PARG: variants seen among roughly 807,000 people sequenced by gnomAD.
PARG encodes poly(ADP-ribose) glycohydrolase.
PARG carries 35 observed loss-of-function variants against 113.0 expected under a neutral mutation model. The observed-to-expected ratio is 0.31, with a 90% CI of 0.24 to 0.41. The LOEUF (loss-of-function observed/expected upper bound fraction) is 0.41. Ranked by LOEUF, PARG falls within the 10% of genes least tolerant of loss-of-function variation. PARG has a pLI of 1.00. For synonymous variants in PARG, 330 were observed against 409.9 expected (o/e 0.81, Z 2.36); for missense variants, 797 against 1,169.4 (o/e 0.68, Z 4.64).
chr10:49,904,731 C>T (rs1554844440), intron 7 of PARG, among the ~76,000 whole-genome samples: 1 of 151,974 alleles, frequency 6.6e-6, no homozygotes, highest in East Asian at 1.9e-4. Context: ...GCCTGGCCAA[C>T]ATGGTGAAAC....
intron 7 of PARG, among the ~76,000 whole-genome samples, chr10:49,913,440 AAC>A (rs1281611573): frequency 2.0e-5 from 3 of 152,260 alleles, no homozygotes; most frequent in East Asian, 1.9e-4. Flanking sequence ...AAAATTATAT[AAC>A]ACAGAAGATT....
At position 49,935,146 on chromosome 10, in the gene PARG, T is replaced by TA. The variant is rs1170825913; in HGVS notation, c.218-5dup. On this transcript the variant is annotated splice_region_variant and splice_polypyrimidine_tract_variant and intron_variant, in intron 1 of 17. Coordinates refer to ENST00000616448, the MANE Select transcript of PARG (RefSeq NM_003631.5). Reference sequence around the variant, plus strand: ...GTAATAGTCTTTTGTTTGAAAACTATAAAAAAAAATGTATATTCATACATT... The same window carrying TA: ...GTAATAGTCTTTTGTTTGAAAACTATAAAAAAAAAATGTATATTCATACATT... The TA allele has an allele frequency of 2.7e-4, 194 of 727,858 alleles. No individual in the cohort carries two copies. Among genetic ancestry groups the TA allele is most frequent in the Middle Eastern group, 7.0e-4 (3 of 4,284 alleles). The allele number at this position is 727,858 out of a possible 1,614,324, so 45.1% of individuals were successfully genotyped here. A position where few individuals can be genotyped will look rare whatever the true frequency, so the allele number is the denominator to read the frequency against.
At position 49,819,245 on chromosome 10, in the gene PARG, TTATATTAACTTAAGTCAATTCA is replaced by T; in HGVS notation, c.*73_*94del. ...CTACAAATGTGGATTATGTACACAT[TTATATTAACTTAAGTCAATTCA>T]TATATTACACCTGACAGCTCAAACA... On this transcript the variant is annotated 3_prime_UTR_variant, in exon 18 of 18. Transcript: ENST00000616448. 1.0e-6 allele frequency: 1 copy of T among 1,000,774 alleles called. No homozygotes were observed. Among genetic ancestry groups the T allele is most frequent in the Non-Finnish European group, 1.5e-6 (1 of 682,378 alleles). The allele number at this position is 1,000,774 out of a possible 1,614,324, so 62.0% of individuals were successfully genotyped here.
chr10:49,834,174 A>G lies in PARG; in HGVS notation c.2542-1266T>C, dbSNP rs1213629069. On this transcript the variant is annotated intron_variant, in intron 15 of 17. Coordinates refer to ENST00000616448, the MANE Select transcript of PARG (RefSeq NM_003631.5). ...TGAAAATCTCTTTCAGGTCAAAAAA[A>G]TCTGAGAGCTCCATTTGTTTTGAAT... Among the ~76,000 whole-genome samples the G allele has an allele frequency of 7.9e-5, 12 of 152,194 alleles. No homozygotes were observed. In the East Asian group the frequency reaches 2.3e-3, roughly 29 times the overall value.
chr10:49,916,122 C>T (rs1165349507), intron 6 of PARG, 131 bp from the exon 7 acceptor site: 3 of 680,512 alleles, frequency 4.4e-6, no homozygotes, highest in East Asian at 5.6e-5. Flanking sequence ...CCTCCCCCTG[C>T]TACTGATATG....
chr10:49,876,940 TAA>T (rs544298585), intron 9 of PARG, among the ~76,000 whole-genome samples: 1 of 145,710 alleles, frequency 6.9e-6, no homozygotes, highest in African/African-American at 2.5e-5. Flanking sequence ...ATATTATATA[TAA>T]AAAAAAAAAA....
chr10:49,831,563 C>T (rs1228156670), intron 16 of PARG, among the ~76,000 whole-genome samples: 1 of 152,098 alleles, frequency 6.6e-6, no homozygotes, highest in Non-Finnish European at 1.5e-5. Context: ...GGGCAGAGAC[C>T]GAGCTCAATC....
Position 49,896,140 on chromosome 10 carries a change from A to C in PARG, c.1738-10845T>G, listed in dbSNP as rs12265107. ...TCTAGTACAATGTTAATAAGAATGA[A>C]GAGCATGGGTGTTCTTGCTTTTCCC... On this transcript the variant is annotated intron_variant, in intron 7 of 17. Coordinates refer to ENST00000616448, the MANE Select transcript of PARG (RefSeq NM_003631.5). 5.6e-3 allele frequency among the ~76,000 whole-genome samples: 847 copies of C among 152,336 alleles called. 4 individuals are homozygous for C. The highest frequency in any genetic ancestry group is 0.015 in the African/African-American group (629 of 41,586).
intron 14 of PARG, 60 bp downstream of exon 14, chr10:49,843,494 G>A: frequency 9.7e-7 from 1 of 1,033,958 alleles, no homozygotes. Context: ...AGTGTGTGAG[G>A]GTCAAGCCCA....
At chr10:49,821,473 G>A (rs1319316512) in intron 16 of PARG, among the ~76,000 whole-genome samples, 1 of 152,004 alleles carries the variant, frequency 6.6e-6, no homozygotes, top group Non-Finnish European at 1.5e-5. Context: ...TCTGCCTCCC[G>A]GGTTCAAGCG....
At chr10:49,908,031 C>G (rs3106096) in intron 7 of PARG, among the ~76,000 whole-genome samples, 448 of 148,090 alleles carry the variant, frequency 3.0e-3, no homozygotes, top group East Asian at 0.013. Context: ...TTTCACTTTT[C>G]AGTATCTATA....
intron 7 of PARG, among the ~76,000 whole-genome samples, chr10:49,894,628 C>G (rs1847986868): frequency 6.6e-6 from 1 of 152,130 alleles, no homozygotes; most frequent in African/African-American, 2.4e-5. Context: ...GTTGAAAAGA[C>G]ACTTCTTTTC....
At chr10:49,913,763 C>A (rs1837321394) in intron 7 of PARG, among the ~76,000 whole-genome samples, 1 of 152,048 alleles carries the variant, frequency 6.6e-6, no homozygotes, top group East Asian at 1.9e-4. Flanking sequence ...ATTAGCCGGG[C>A]AACGTGGCGG....
At chr10:49,822,432 C>T (rs1844146831) in intron 16 of PARG, among the ~76,000 whole-genome samples, 1 of 152,054 alleles carries the variant, frequency 6.6e-6, no homozygotes, top group African/African-American at 2.4e-5. Context: ...ACAAGATGAC[C>T]TCAAAATATT....
At chr10:49,903,666 A>G (rs1483779255) in intron 7 of PARG, among the ~76,000 whole-genome samples, 1 of 151,966 alleles carries the variant, frequency 6.6e-6, no homozygotes, top group Non-Finnish European at 1.5e-5. Context: ...AGGACAAAAA[A>G]GGATACTCAG....
intron 16 of PARG, among the ~76,000 whole-genome samples, chr10:49,829,997 A>G (rs1844576704): frequency 6.6e-6 from 1 of 152,158 alleles, no homozygotes; most frequent in Non-Finnish European, 1.5e-5. Flanking sequence ...TTTTTAATGA[A>G]TATTTATGCT....
At chr10:49,916,865 C>G (rs1347554418) in intron 6 of PARG, among the ~76,000 whole-genome samples, 1 of 152,080 alleles carries the variant, frequency 6.6e-6, no homozygotes. Flanking sequence ...AATTTTTTTA[C>G]TGAGGCACAC....
chr10:49,901,439 G>T (rs2813035), intron 7 of PARG, among the ~76,000 whole-genome samples: 25,687 of 130,102 alleles, frequency 0.2, 3,100 homozygotes, highest in Non-Finnish European at 0.26. Context: ...GGTAGTTCAA[G>T]GACAGCTTAG....
intron 7 of PARG, among the ~76,000 whole-genome samples, chr10:49,891,615 ATATATATATTTTTT>A (rs1320257351): frequency 3.2e-5 from 2 of 63,194 alleles, no homozygotes; most frequent in African/African-American, 1.8e-4. Context: ...ATATATATAT[ATATATATATTTTTT>A]TTTTTTTTTT....
Sources: gnomAD v4.1 joint callset for allele counts (sites outside exome capture counted in the v4.1 genomes callset) on GRCh38, gnomAD v4.1.1 for gene constraint, MANE v1.5 for transcripts, NCBI Gene and HGNC (gene_info 2026-07-23, HGNC 2026-07-21) for gene names.